ROBO2: variants seen among roughly 807,000 people sequenced by gnomAD.
The protein encoded by ROBO2 is roundabout homolog 2.
Under a neutral mutation model 160.8 loss-of-function variants are expected in ROBO2, and 53 were observed. That is an observed-to-expected ratio of 0.33 (90% CI 0.26 to 0.41). The LOEUF is 0.41. ROBO2 is among the 10% of genes least tolerant of loss of function. The pLI, the probability that ROBO2 is intolerant of heterozygous loss-of-function variation, is 1.00. For synonymous variants in ROBO2, 664 were observed against 611.7 expected (o/e 1.09, Z -1.26); for missense variants, 1,577 against 1,722.4 (o/e 0.92, Z 1.49).
In ROBO2 at chr3:77,320,685, CAAAAAAAGAAAAA is replaced by C. The variant is rs1383666308; in HGVS notation, c.389-156728_389-156716del. Among the ~76,000 whole-genome samples, 10 of 150,420 alleles carry C rather than the reference CAAAAAAAGAAAAA, an allele frequency of 6.6e-5. No homozygotes were observed. The East Asian group carries it at 1.9e-3, about 29-fold the overall frequency. On this transcript the variant is annotated intron_variant, in intron 2 of 25. Coordinates refer to ENST00000461745, the Ensembl canonical transcript of ROBO2. ...GGGAGAGGACTTGTTGAACTACAGG[CAAAAAAAGAAAAA>C]GAAAAAAGAAAAAAAACTTTTGTTG...
intron 2 of ROBO2, among the ~76,000 whole-genome samples, chr3:76,180,770 A>G (rs1386919706): frequency 1.3e-5 from 2 of 152,190 alleles, no homozygotes; most frequent in Admixed American, 6.6e-5. Context: ...GAATCAGATT[A>G]CACAACTCAA....
intron 2 of ROBO2, among the ~76,000 whole-genome samples, chr3:76,697,317 A>C (rs1378862594): frequency 6.6e-5 from 10 of 152,170 alleles, no homozygotes; most frequent in Non-Finnish European, 1.5e-4. Flanking sequence ...GTCCAGGTCA[A>C]ATGATGAATA....
chr3:76,862,411 G>A (rs1009390330), intron 2 of ROBO2, among the ~76,000 whole-genome samples: 14 of 152,048 alleles, frequency 9.2e-5, no homozygotes, highest in Admixed American at 6.6e-4. Flanking sequence ...TAAAAAGCAC[G>A]TTTTATGCCA....
At chr3:77,042,401 T>C (rs929050634) in intron 1 of ROBO2, among the ~76,000 whole-genome samples, 3 of 152,256 alleles carry the variant, frequency 2.0e-5, no homozygotes, top group African/African-American at 7.2e-5. Context: ...GAATATGTCC[T>C]CATAAATCAT....
intron 2 of ROBO2, among the ~76,000 whole-genome samples, chr3:75,944,161 C>T (rs75344166): frequency 4.0e-5 from 6 of 151,542 alleles, no homozygotes; most frequent in Non-Finnish European, 7.4e-5. Context: ...CACATCCTAT[C>T]TCACTTTATC....
intron 1 of ROBO2, among the ~76,000 whole-genome samples, chr3:77,044,339 G>T (rs1394008067): frequency 6.6e-6 from 1 of 152,152 alleles, no homozygotes; most frequent in African/African-American, 2.4e-5. Flanking sequence ...ATGTGTGTGT[G>T]CCTAGTAATA....
chr3:76,089,260 AAAAT>A, intron 2 of ROBO2, among the ~76,000 whole-genome samples: 1 of 152,198 alleles, frequency 6.6e-6, no homozygotes, highest in Non-Finnish European at 1.5e-5. Flanking sequence ...ATACATTTAT[AAAAT>A]AAATTATGCC....
intron 2 of ROBO2, among the ~76,000 whole-genome samples, chr3:76,528,398 T>A (rs1177201110): frequency 1.3e-5 from 2 of 151,970 alleles, no homozygotes; most frequent in Non-Finnish European, 2.9e-5. Context: ...TAGTAGGAAG[T>A]GGTTAGATAA....
chr3:77,332,544 T>G (rs1271346288), intron 2 of ROBO2, among the ~76,000 whole-genome samples: 1 of 152,204 alleles, frequency 6.6e-6, no homozygotes, highest in East Asian at 1.9e-4. Context: ...TTGCATAACT[T>G]AGTGTGACGC....
At chr3:76,579,260 C>T (rs1030873946) in intron 2 of ROBO2, among the ~76,000 whole-genome samples, 3 of 152,142 alleles carry the variant, frequency 2.0e-5, no homozygotes, top group African/African-American at 7.2e-5. Context: ...AGCATCTTTA[C>T]CACAGAATTC....
chr3:76,558,051 G>A (rs538841265), intron 2 of ROBO2, among the ~76,000 whole-genome samples: 6 of 152,068 alleles, frequency 3.9e-5, no homozygotes, highest in South Asian at 4.1e-4. Flanking sequence ...AAGCGAAGTA[G>A]CATGTCCTGT....
At position 77,293,444 on chromosome 3, in the gene ROBO2, A is replaced by C. The variant is rs1353008860; in HGVS notation, c.389-183970A>C. Among the ~76,000 whole-genome samples, 709 of 142,702 alleles carry C rather than the reference A, an allele frequency of 5.0e-3. 7 individuals are homozygous for C. Among genetic ancestry groups the C allele is most frequent in the African/African-American group, 0.02 (655 of 33,460 alleles). 93.6% of individuals were successfully genotyped at this position (142,702 alleles called of 152,430 possible). ...CGGGTAAGCTGAGGCTAGATCACTA[A>C]AGACATAAAGTAAAATTGACGGTTA... On this transcript the variant is annotated intron_variant, in intron 2 of 25. Transcript: ENST00000461745.
At chr3:77,639,819 T>A in intron 24 of ROBO2, among the ~76,000 whole-genome samples, 1 of 152,118 alleles carries the variant, frequency 6.6e-6, no homozygotes, top group East Asian at 1.9e-4. Context: ...TGTATATTTT[T>A]TAAAAAGTCA....
chr3:76,913,773 C>T (rs2076136402), intron 2 of ROBO2, among the ~76,000 whole-genome samples: 1 of 152,096 alleles, frequency 6.6e-6, no homozygotes, highest in Non-Finnish European at 1.5e-5. Flanking sequence ...AATAATACTC[C>T]TTTAGATGAG....
intron 2 of ROBO2, among the ~76,000 whole-genome samples, chr3:77,244,370 G>T (rs1430054848): frequency 6.6e-6 from 1 of 152,172 alleles, no homozygotes; most frequent in Admixed American, 6.5e-5. Context: ...AAATACAACT[G>T]TTGGACTTAG....
chr3:76,322,290 T>C (rs943521026), intron 2 of ROBO2, among the ~76,000 whole-genome samples: 1 of 150,500 alleles, frequency 6.6e-6, no homozygotes, highest in Non-Finnish European at 1.5e-5. Context: ...ATACAAATAG[T>C]TCATCTTTTA....
chr3:76,686,623 G>A (rs534084111), intron 2 of ROBO2, among the ~76,000 whole-genome samples: 1 of 151,982 alleles, frequency 6.6e-6, no homozygotes, highest in African/African-American at 2.4e-5. Context: ...ATTAGTGTTT[G>A]AATACTAACT....
chr3:76,767,136 T>C (rs961244883), intron 2 of ROBO2, among the ~76,000 whole-genome samples: 1 of 151,594 alleles, frequency 6.6e-6, no homozygotes, highest in Non-Finnish European at 1.5e-5. Flanking sequence ...TTCTTTCAGC[T>C]AGCTTGTCTC....
At chr3:76,434,550 C>G (rs1479312031) in intron 2 of ROBO2, 1 of 1,585,666 alleles carries the variant, frequency 6.3e-7, no homozygotes, top group Admixed American at 1.7e-5. Flanking sequence ...TGGGTCAAAG[C>G]TTATTTAAGT....
Sources: allele counts gnomAD v4.1 joint callset (sites outside exome capture counted in the v4.1 genomes callset), GRCh38; gene constraint gnomAD v4.1.1; transcripts MANE v1.5; gene names NCBI Gene and HGNC (gene_info 2026-07-23, HGNC 2026-07-21).